Variants in SMIM17 observed in about 807,000 individuals in gnomAD.
The protein encoded by SMIM17 is small integral membrane protein 17.
In SMIM17, 10 loss-of-function variants were observed where a neutral mutation model predicts 12.2. The observed-to-expected ratio is 0.82, with a 90% confidence interval of 0.50 to 1.39. SMIM17 has a LOEUF of 1.39. Ranked by LOEUF, SMIM17 falls within the 40% of genes most tolerant of loss-of-function variation. The pLI is 0.00. For missense variants in SMIM17, 136 were observed against 118.2 expected, an observed-to-expected ratio of 1.15 and a Z score of -0.70; for synonymous variants, 50 against 44.1, an observed-to-expected ratio of 1.13 and a Z score of -0.53.
rs140254539 is a variant in SMIM17 at position 56,651,753 on chromosome 19, C to G, written c.247-3350C>G. ...GTGTGTTCACCTTCTGAAGGTGCCT[C>G]AGGCTGTACACCTAGGATGTGTGCA... On this transcript the variant is annotated intron_variant, in intron 3 of 3. Transcript: ENST00000598409. 1.1e-4 allele frequency among the ~76,000 whole-genome samples: 17 copies of G among 152,154 alleles called. No homozygotes were observed. In the East Asian group the frequency reaches 3.1e-3, roughly 28 times the overall value.
chr19:56,652,674 AGAG>A (rs2045119010), intron 3 of SMIM17, among the ~76,000 whole-genome samples: 1 of 148,550 alleles, frequency 6.7e-6, no homozygotes, highest in Admixed American at 6.7e-5. Context: ...AAAAAAAAAG[AGAG>A]AGAGAGAGAG....
chr19:56,649,507 G>T (rs1281506305), intron 3 of SMIM17, among the ~76,000 whole-genome samples: 2 of 152,184 alleles, frequency 1.3e-5, no homozygotes, highest in Non-Finnish European at 2.9e-5. Flanking sequence ...GAAGCAGGAA[G>T]GGGGTTTGGG....
In SMIM17 at chr19:56,645,832, G is replaced by A; in HGVS notation, c.165G>A (p.Glu55=). ...GGGCCTCCAGCCATGACAGTGATGA[G>A]AAAGGTGAGAGGCAGGGGTCCTTTG... ...EVGASSHDSD[E]KDLSSQETGL... The change falls in exon 2 of 4, where the codon GAG becomes GAA. Residue 55 remains glutamate (E), a synonymous_variant. Transcript: ENST00000598409. 6.5e-7 allele frequency: 1 copy of A among 1,532,374 alleles called. No individual in the cohort carries two copies. The highest frequency in any genetic ancestry group is 2.5e-5 in the East Asian group (1 of 40,806). The allele number at this position is 1,532,374 out of a possible 1,614,324, so 94.9% of individuals were successfully genotyped here. A position where few individuals can be genotyped will look rare whatever the true frequency, so the allele number is the denominator to read the frequency against.
intron 2 of SMIM17, 83 bp downstream of exon 2, chr19:56,645,919 C>G: frequency 7.4e-7 from 1 of 1,352,556 alleles, no homozygotes; most frequent in Middle Eastern, 1.9e-4. Flanking sequence ...AACATTCACT[C>G]CTTCACTCAT....
rs1252225273 is a variant in SMIM17 at position 56,657,191 on chromosome 19, C to A, written c.*1978C>A. ...TTAATTAAATAATATATGTAAAACA[C>A]CATATGACAATGGCTGGCAGATAGT... On this transcript the variant is annotated 3_prime_UTR_variant, in exon 4 of 4. Coordinates refer to ENST00000598409, the MANE Select transcript of SMIM17 (RefSeq NM_001193628.2). 6.6e-6 allele frequency among the ~76,000 whole-genome samples: 1 copy of A among 152,044 alleles called. No homozygotes were observed. The highest frequency in any genetic ancestry group is 2.4e-5 in the African/African-American group (1 of 41,384).
intron 3 of SMIM17, among the ~76,000 whole-genome samples, chr19:56,651,887 T>G (rs1229525273): frequency 6.6e-6 from 1 of 151,728 alleles, no homozygotes; most frequent in African/African-American, 2.4e-5. Flanking sequence ...GCGGATCGCT[T>G]AAGGTCATGA....
At chr19:56,651,298 C>G (rs1237368107) in intron 3 of SMIM17, among the ~76,000 whole-genome samples, 1 of 152,112 alleles carries the variant, frequency 6.6e-6, no homozygotes, top group African/African-American at 2.4e-5. Context: ...AGGATTTGTA[C>G]CCAGCATGTC....
chr19:56,648,245 T>G (rs1484911775), intron 3 of SMIM17, among the ~76,000 whole-genome samples: 1 of 149,178 alleles, frequency 6.7e-6, no homozygotes, highest in Non-Finnish European at 1.5e-5. Context: ...AAACCCTCCC[T>G]TCCACCCACC....
intron 3 of SMIM17, among the ~76,000 whole-genome samples, chr19:56,651,245 T>C (rs2045107033): frequency 6.6e-6 from 1 of 152,128 alleles, no homozygotes; most frequent in South Asian, 2.1e-4. Context: ...ACAGAGAGGT[T>C]ATGTGACTTT....
intron 1 of SMIM17, among the ~76,000 whole-genome samples, chr19:56,644,410 A>G (rs548671537): frequency 4.1e-4 from 62 of 152,280 alleles, no homozygotes; most frequent in African/African-American, 1.3e-3. Flanking sequence ...TCAGCCCCAC[A>G]ACTTGTGCTA....
At chr19:56,651,735 C>T (rs118019225) in intron 3 of SMIM17, among the ~76,000 whole-genome samples, 2,892 of 152,128 alleles carry the variant, frequency 0.019, 49 homozygotes, top group South Asian at 0.065. Context: ...ATGGTGTGTT[C>T]ACCTTCTGAA....
At chr19:56,645,938 C>A in intron 2 of SMIM17, 102 bp downstream of exon 2, 1 of 1,260,784 alleles carries the variant, frequency 7.9e-7, no homozygotes, top group Non-Finnish European at 1.1e-6. Flanking sequence ...ATCCATTCAA[C>A]AGCTATTCAT....
At chr19:56,649,796 T>A (rs150088185) in intron 3 of SMIM17, among the ~76,000 whole-genome samples, 195 of 151,980 alleles carry the variant, frequency 1.3e-3, no homozygotes, top group African/African-American at 4.6e-3. Context: ...ATGGGGTGGA[T>A]GATGTAGTGT....
At chr19:56,647,208 C>CT (rs2045069936) in intron 2 of SMIM17, among the ~76,000 whole-genome samples, 2 of 152,216 alleles carry the variant, frequency 1.3e-5, no homozygotes, top group South Asian at 4.1e-4. Flanking sequence ...AGAAGGAACT[C>CT]TTTTATCTAC....
At position 56,655,277 on chromosome 19, in the gene SMIM17, A is replaced by C; in HGVS notation, c.*64A>C. ...GAAATAGATGCCCTATGTCATGTTA[A>C]GGAATTGTGCTAGTTAAAAATCAGG... is the stretch of plus-strand genomic sequence containing the variant. On this transcript the variant is annotated 3_prime_UTR_variant, in exon 4 of 4. Transcript: ENST00000598409. The C allele has an allele frequency of 1.5e-6, 1 of 665,484 alleles. No homozygotes were observed. 41.2% of individuals were successfully genotyped at this position (665,484 alleles called of 1,614,324 possible).
intron 3 of SMIM17, among the ~76,000 whole-genome samples, chr19:56,650,154 T>C (rs2045098313): frequency 6.6e-6 from 1 of 152,160 alleles, no homozygotes; most frequent in Non-Finnish European, 1.5e-5. Context: ...TGTTACAAGC[T>C]TCATGCTATT....
intron 3 of SMIM17, among the ~76,000 whole-genome samples, chr19:56,649,225 G>A (rs894057346): frequency 6.6e-6 from 1 of 152,202 alleles, no homozygotes; most frequent in African/African-American, 2.4e-5. Flanking sequence ...GTATAACAAG[G>A]TACGTTTCAG....
intron 3 of SMIM17, 149 bp downstream of exon 3, chr19:56,647,783 C>T: frequency 1.5e-6 from 1 of 683,142 alleles, no homozygotes; most frequent in Non-Finnish European, 2.5e-6. Flanking sequence ...TGATCAGACA[C>T]AGACTGGAGG....
intron 3 of SMIM17, among the ~76,000 whole-genome samples, chr19:56,652,853 G>A (rs139767897): frequency 2.0e-5 from 3 of 152,232 alleles, no homozygotes; most frequent in African/African-American, 7.2e-5. Context: ...ACTACAAACT[G>A]TAAACCATAC....
Sources: allele counts gnomAD v4.1 joint callset (sites outside exome capture counted in the v4.1 genomes callset), GRCh38; gene constraint gnomAD v4.1.1; transcripts MANE v1.5; gene names NCBI Gene and HGNC (gene_info 2026-07-23, HGNC 2026-07-21).